TRIO: variants seen among roughly 807,000 people sequenced by gnomAD.
TRIO encodes trio Rho guanine nucleotide exchange factor.
TRIO carries 58 observed loss-of-function variants against 351.9 expected under a neutral mutation model. That is an observed-to-expected ratio of 0.16 (90% confidence interval 0.13 to 0.21). TRIO has a LOEUF of 0.21. TRIO is among the 10% of genes least tolerant of loss of function. TRIO has a pLI of 1.00. For synonymous variants in TRIO, 1,758 were observed against 1,595.7 expected, an observed-to-expected ratio of 1.10 and a Z score of -2.42; for missense variants, 3,201 against 4,027.8, an observed-to-expected ratio of 0.79 and a Z score of 5.56.
rs201773906 is a variant in TRIO, at chr5:14,498,649, C to A, written c.8332+9C>A. 1 of 1,611,008 alleles carries A rather than the reference C, an allele frequency of 6.2e-7. No homozygotes were observed. Among genetic ancestry groups the A allele is most frequent in the East Asian group, 2.2e-5 (1 of 44,740 alleles). On this transcript the variant is annotated intron_variant, in intron 53 of 56. Coordinates refer to ENST00000344204, the MANE Select transcript of TRIO (RefSeq NM_007118.4). The stretch of plus-strand genomic sequence containing the variant: ...CAGCCTGAGGGTCCTAGGTAAGCAC[C>A]GTGCAACGAGGATTCTACGTGACCC...
intron 1 of TRIO, among the ~76,000 whole-genome samples, chr5:14,248,153 T>C (rs1310732766): frequency 6.6e-6 from 1 of 151,752 alleles, no homozygotes; most frequent in Non-Finnish European, 1.5e-5. Context: ...TTTCAATGGG[T>C]CTTGTACCTC....
intron 34 of TRIO, among the ~76,000 whole-genome samples, chr5:14,454,281 C>A (rs1019576684): frequency 5.9e-5 from 9 of 152,138 alleles, no homozygotes; most frequent in African/African-American, 1.9e-4. Context: ...GAGCCCCCAC[C>A]CCGACACTGC....
intron 1 of TRIO, among the ~76,000 whole-genome samples, chr5:14,238,397 A>G (rs1043860345): frequency 6.6e-6 from 1 of 152,210 alleles, no homozygotes; most frequent in Non-Finnish European, 1.5e-5. Context: ...TATGGTGTTA[A>G]GTAAACTCGA....
At chr5:14,316,233 T>C (rs1739369388) in intron 8 of TRIO, among the ~76,000 whole-genome samples, 1 of 152,248 alleles carries the variant, frequency 6.6e-6, no homozygotes, top group South Asian at 2.1e-4. Context: ...CTACAGTGTT[T>C]TGTAGTAATT....
chr5:14,292,769 T>A (rs1737023609), intron 5 of TRIO, among the ~76,000 whole-genome samples: 1 of 152,248 alleles, frequency 6.6e-6, no homozygotes, highest in South Asian at 2.1e-4. Context: ...CTCTCTTTAC[T>A]TATCTGCTTC....
At chr5:14,185,759 TG>T (rs1790069949) in intron 1 of TRIO, among the ~76,000 whole-genome samples, 1 of 152,204 alleles carries the variant, frequency 6.6e-6, no homozygotes. Context: ...TTCTCTCATT[TG>T]TAAAGTGAAA....
rs1255927700 is a variant in TRIO at position 14,510,155 on chromosome 5, T to C, written c.*1733T>C. The C allele has an allele frequency of 3.3e-5, 5 of 152,250 alleles. No individual in the cohort carries two copies. Among genetic ancestry groups the C allele is most frequent in the Admixed American group, 2.0e-4 (3 of 15,282 alleles). 9.4% of individuals were successfully genotyped at this position (152,250 alleles called of 1,614,324 possible). ...TTTACACAGTATGATGTGATGTAAATATTTTATTTTGCCATCAGTTATTTT... is the reference window on the plus strand; with the variant it reads ...TTTACACAGTATGATGTGATGTAAACATTTTATTTTGCCATCAGTTATTTT... On this transcript the variant is annotated 3_prime_UTR_variant, in exon 57 of 57. Transcript: ENST00000344204.
intron 1 of TRIO, among the ~76,000 whole-genome samples, chr5:14,161,487 G>A (rs1375094043): frequency 2.0e-5 from 3 of 152,106 alleles, no homozygotes; most frequent in Non-Finnish European, 4.4e-5. Flanking sequence ...TGGTTCCTTT[G>A]GGTTATAATT....
At chr5:14,341,288 C>A (rs1324976393) in intron 11 of TRIO, among the ~76,000 whole-genome samples, 1 of 152,218 alleles carries the variant, frequency 6.6e-6, no homozygotes, top group Non-Finnish European at 1.5e-5. Flanking sequence ...TCACTCTTTT[C>A]ACTCATTCAT....
intron 41 of TRIO, among the ~76,000 whole-genome samples, chr5:14,478,354 C>T (rs1316590460): frequency 2.0e-5 from 3 of 152,174 alleles, no homozygotes; most frequent in African/African-American, 7.2e-5. Context: ...AGCAATTTCA[C>T]CCACCATTGG....
In TRIO at chr5:14,369,296, G is replaced by T; in HGVS notation, c.3067-78G>T. ...GACAGCATCTTCATCCCCAGAGCCC[G>T]ACTGAAAGGGCTTTCCAGGGATACC... On this transcript the variant is annotated intron_variant, in intron 17 of 56. Coordinates refer to ENST00000344204, the MANE Select transcript of TRIO (RefSeq NM_007118.4). 3.3e-6 allele frequency: 5 copies of T among 1,509,908 alleles called. No individual in the cohort carries two copies. The South Asian group carries it at 4.0e-5, about 12-fold the overall frequency. 93.5% of individuals were successfully genotyped at this position (1,509,908 alleles called of 1,614,324 possible).
Position 14,310,654 on chromosome 5 carries a change from ATG to A in TRIO, c.1501-5852_1501-5851del, listed in dbSNP as rs1438082070. ...AAAACCAAAAAACCACCTCTCCGTGATGTGTGTGGAAGCTCAGTTCCCTTGCG... is the reference window on the plus strand; with the variant it reads ...AAAACCAAAAAACCACCTCTCCGTGATGTGTGGAAGCTCAGTTCCCTTGCG... On this transcript the variant is annotated intron_variant, in intron 8 of 56. Transcript: ENST00000344204. Among the ~76,000 whole-genome samples, 4 of 152,286 alleles carry A rather than the reference ATG, an allele frequency of 2.6e-5. No homozygotes were observed. In the East Asian group the frequency reaches 7.7e-4, roughly 29 times the overall value.
At chr5:14,465,187 C>G (rs1460684434) in intron 36 of TRIO, among the ~76,000 whole-genome samples, 1 of 152,114 alleles carries the variant, frequency 6.6e-6, no homozygotes, top group Non-Finnish European at 1.5e-5. Context: ...AGGTCAGATT[C>G]TCTATTCCTT....
chr5:14,363,635 T>G, intron 13 of TRIO, 97 bp from the exon 14 acceptor site: 1 of 1,172,802 alleles, frequency 8.5e-7, no homozygotes. Flanking sequence ...TCTCTGTCCT[T>G]TGGCAGAGAG....
At chr5:14,338,581 A>G (rs990284819) in intron 11 of TRIO, among the ~76,000 whole-genome samples, 2 of 152,192 alleles carry the variant, frequency 1.3e-5, no homozygotes, top group African/African-American at 4.8e-5. Context: ...GTGTATGAAA[A>G]CAGATTGTGG....
At chr5:14,479,451 A>G (rs1033362081) in intron 42 of TRIO, 101 bp downstream of exon 42, 20 of 1,017,034 alleles carry the variant, frequency 2.0e-5, no homozygotes, top group African/African-American at 6.5e-5. Flanking sequence ...CTAATTTCCA[A>G]AGAAAATTAG....
chr5:14,202,293 G>GATTTTTTTTTTTTTTTTTTT (rs1791175838), intron 1 of TRIO, among the ~76,000 whole-genome samples: 1 of 34,350 alleles, frequency 2.9e-5, no homozygotes, highest in Non-Finnish European at 6.2e-5. Context: ...ATATTTTTGT[G>GATTTTTTTTTTTTTTTTTTT]ATTTTTTTTT....
At chr5:14,386,051 T>TA (rs781085531) in intron 21 of TRIO, among the ~76,000 whole-genome samples, 4 of 152,158 alleles carry the variant, frequency 2.6e-5, no homozygotes, top group Non-Finnish European at 5.9e-5. Flanking sequence ...ACGACGATTG[T>TA]AAAAAATCAC....
chr5:14,336,146 T>C (rs1561356681), intron 10 of TRIO, among the ~76,000 whole-genome samples: 1 of 152,168 alleles, frequency 6.6e-6, no homozygotes, highest in East Asian at 1.9e-4. Flanking sequence ...CGGAAAGACA[T>C]AGACTGGAAC....
Sources: gnomAD v4.1 joint callset for allele counts (sites outside exome capture counted in the v4.1 genomes callset) on GRCh38, gnomAD v4.1.1 for gene constraint, MANE v1.5 for transcripts, NCBI Gene and HGNC (gene_info 2026-07-23, HGNC 2026-07-21) for gene names.